CARMIL1: variants seen among roughly 807,000 people sequenced by gnomAD.
CARMIL1 encodes F-actin-uncapping protein LRRC16A.
In CARMIL1, 90 loss-of-function variants were observed where a neutral mutation model predicts 177.1. The ratio of observed to expected loss-of-function variants is 0.51; its 90% CI spans 0.43 to 0.61. CARMIL1 has a LOEUF of 0.61. Ranked by LOEUF, CARMIL1 falls within the 20% of genes least tolerant of loss-of-function variation. The probability of loss-of-function intolerance (pLI) is 0.00; values close to 1 mark genes in which losing one functional copy is unlikely to be tolerated. For missense variants in CARMIL1, 1,380 were observed against 1,667.0 expected, an observed-to-expected ratio of 0.83 and a Z score of 3.00; for synonymous variants, 577 against 606.2, an observed-to-expected ratio of 0.95 and a Z score of 0.71.
intron 12 of CARMIL1, among the ~76,000 whole-genome samples, chr6:25,485,804 T>C (rs895773249): frequency 6.6e-6 from 1 of 152,198 alleles, no homozygotes; most frequent in Admixed American, 6.5e-5. Context: ...TTTTTTTAAA[T>C]TGACTTCTTG....
rs1810829334 is a variant in CARMIL1, at chr6:25,558,474, A to G, written c.2742+1624A>G. Among the ~76,000 whole-genome samples the G allele has an allele frequency of 1.3e-5, 2 of 152,168 alleles. No homozygotes were observed. The highest frequency in any genetic ancestry group is 2.9e-5 in the Non-Finnish European group (2 of 68,022). ...TTGGTTTAGTTTTGTGAAAGGAAGA[A>G]AAAGGTTGTTTGTTTGTTTTAAGTG... On this transcript the variant is annotated intron_variant, in intron 29 of 36. Coordinates refer to ENST00000329474, the MANE Select transcript of CARMIL1 (RefSeq NM_017640.6). The surrounding 1 kb of genome is among the most constrained non-coding windows in gnomAD (Gnocchi z 4.1).
intron 35 of CARMIL1, among the ~76,000 whole-genome samples, chr6:25,608,301 A>G (rs1396801561): frequency 1.3e-5 from 2 of 152,182 alleles, no homozygotes; most frequent in African/African-American, 4.8e-5. Flanking sequence ...ATTATAGTAT[A>G]TTGTTATAAT....
At chr6:25,355,076 G>A (rs7749494) in intron 2 of CARMIL1, among the ~76,000 whole-genome samples, 8,539 of 152,244 alleles carry the variant, frequency 0.056, 286 homozygotes, top group Non-Finnish European at 0.088. Flanking sequence ...TAGCTCTTTA[G>A]AGCCACAGTC....
chr6:25,428,705 G>T (rs1417965124), intron 4 of CARMIL1, among the ~76,000 whole-genome samples: 1 of 152,110 alleles, frequency 6.6e-6, no homozygotes, highest in East Asian at 1.9e-4. Flanking sequence ...TTTTCTGAGT[G>T]TATTTTGTTG....
chr6:25,454,254 T>G (rs1799261741), intron 8 of CARMIL1, among the ~76,000 whole-genome samples: 1 of 147,532 alleles, frequency 6.8e-6, no homozygotes, highest in Admixed American at 6.7e-5. Flanking sequence ...TTTGGAAAAC[T>G]TTTTTTTTGT....
chr6:25,303,012 C>T (rs1380445993), intron 2 of CARMIL1, among the ~76,000 whole-genome samples: 1 of 152,112 alleles, frequency 6.6e-6, no homozygotes, highest in East Asian at 1.9e-4. Flanking sequence ...TCCTTTTCTG[C>T]ACGTCATTTT....
At chr6:25,470,132 T>C (rs1390066724) in intron 9 of CARMIL1, among the ~76,000 whole-genome samples, 1 of 152,230 alleles carries the variant, frequency 6.6e-6, no homozygotes, top group Non-Finnish European at 1.5e-5. Context: ...TTTATTAACA[T>C]GAGACAATTA....
chr6:25,441,337 A>ATATATATATATATATATATG lies in CARMIL1; in HGVS notation c.371+5734_371+5735insATATATATATATATATATGT. 4.6e-3 allele frequency among the ~76,000 whole-genome samples: 438 copies of ATATATATATATATATATATG among 94,458 alleles called. 6 individuals carry two copies. Among genetic ancestry groups the ATATATATATATATATATATG allele is most frequent in the African/African-American group, 0.015 (338 of 22,804 alleles). 62.0% of individuals were successfully genotyped at this position (94,458 alleles called of 152,430 possible). ...CAAACAAACATATATATATATATATATGTGTGTGTGTGTGTGTGTGTGTGT... is the reference window on the plus strand; with the variant it reads ...CAAACAAACATATATATATATATATATATATATATATATATATATGTGTGTGTGTGTGTGTGTGTGTGTGT... On this transcript the variant is annotated intron_variant, in intron 5 of 36. Coordinates refer to ENST00000329474, the MANE Select transcript of CARMIL1 (RefSeq NM_017640.6).
intron 2 of CARMIL1, among the ~76,000 whole-genome samples, chr6:25,351,016 C>A (rs2744235): frequency 0.42 from 63,951 of 151,874 alleles, 14,214 homozygotes; most frequent in Non-Finnish European, 0.5. Context: ...GTAGAGCACT[C>A]CCTCTTTGGA....
At chr6:25,360,893 C>A (rs1342540578) in intron 2 of CARMIL1, among the ~76,000 whole-genome samples, 1 of 152,132 alleles carries the variant, frequency 6.6e-6, no homozygotes, top group African/African-American at 2.4e-5. Context: ...TACATAGCAC[C>A]CTTCAAGAAC....
At chr6:25,542,576 C>T (rs1809031299) in intron 26 of CARMIL1, among the ~76,000 whole-genome samples, 1 of 152,132 alleles carries the variant, frequency 6.6e-6, no homozygotes. Context: ...GTTCCCTACT[C>T]ACTTGTTTTT....
intron 21 of CARMIL1, among the ~76,000 whole-genome samples, chr6:25,517,101 CAT>C (rs1171249610): frequency 6.6e-6 from 1 of 152,132 alleles, no homozygotes; most frequent in African/African-American, 2.4e-5. Context: ...AGTAAGTGAA[CAT>C]ATGTGCTATT....
chr6:25,578,821 CAAAAT>C (rs1364608737), intron 29 of CARMIL1, among the ~76,000 whole-genome samples: 5 of 152,016 alleles, frequency 3.3e-5, no homozygotes, highest in African/African-American at 4.8e-5. Flanking sequence ...AAAAAGCACA[CAAAAT>C]AAAGGAAAGC....
In CARMIL1 at chr6:25,453,323, G is replaced by C. The variant is rs556766639; in HGVS notation, c.614+2612G>C. ...CAGATTACTTCTTAGATTTTAGAGGGAATGTCTACCAAATCCCAAATCTAA... is the reference window on the plus strand; with the variant it reads ...CAGATTACTTCTTAGATTTTAGAGGCAATGTCTACCAAATCCCAAATCTAA... On this transcript the variant is annotated intron_variant, in intron 8 of 36. Coordinates refer to ENST00000329474, the MANE Select transcript of CARMIL1 (RefSeq NM_017640.6). 4.0e-5 allele frequency among the ~76,000 whole-genome samples: 6 copies of C among 151,724 alleles called. 1 individual carries two copies. The highest frequency in any genetic ancestry group is 4.2e-4 in the South Asian group (2 of 4,802).
rs557689824 is a variant in CARMIL1 at position 25,456,763 on chromosome 6, A to C, written c.614+6052A>C. Among the ~76,000 whole-genome samples, 5 of 152,322 alleles carry C rather than the reference A, an allele frequency of 3.3e-5. No homozygotes were observed. The East Asian group carries it at 7.7e-4, about 23-fold the overall frequency. On this transcript the variant is annotated intron_variant, in intron 8 of 36. Transcript: ENST00000329474. ...CAGATTTTTAAGAGGAGCTAATCCC[A>C]TCAATTCTTTGAAGACTCAATGACA...
chr6:25,417,601 C>T (rs1373610081), intron 2 of CARMIL1, among the ~76,000 whole-genome samples: 4 of 152,204 alleles, frequency 2.6e-5, no homozygotes, highest in Non-Finnish European at 4.4e-5. Context: ...CCCTTCCTAC[C>T]TTCACGGTAA....
At chr6:25,388,228 A>T (rs1399537063) in intron 2 of CARMIL1, 1 of 152,188 alleles carries the variant, frequency 6.6e-6, no homozygotes, top group Non-Finnish European at 1.5e-5. Flanking sequence ...TAAAGGCTGG[A>T]GAGTATTGAA....
intron 29 of CARMIL1, among the ~76,000 whole-genome samples, chr6:25,573,884 G>A (rs917308767): frequency 2.0e-5 from 3 of 152,198 alleles, no homozygotes; most frequent in Non-Finnish European, 2.9e-5. Context: ...TGTGGCACTG[G>A]GATTTTTATT....
intron 31 of CARMIL1, among the ~76,000 whole-genome samples, chr6:25,585,934 C>G (rs1051188421): frequency 3.3e-5 from 5 of 152,226 alleles, no homozygotes; most frequent in Non-Finnish European, 5.9e-5. Flanking sequence ...ATGGAGTCTC[C>G]TATGTCTACT....
Sources: gnomAD v4.1 joint callset for allele counts (sites outside exome capture counted in the v4.1 genomes callset) on GRCh38, gnomAD v4.1.1 for gene constraint, Gnocchi (gnomAD v3.1) non-coding constraint, MANE v1.5 for transcripts, NCBI Gene and HGNC (gene_info 2026-07-23, HGNC 2026-07-21) for gene names.